The following CELF2 variants were observed in gnomAD, a reference collection of about 807,000 sequenced individuals.
CELF2 encodes the protein CUGBP Elav-like family member 2.
In CELF2, 8 loss-of-function variants were observed where a neutral mutation model predicts 62.6. That is an observed-to-expected ratio of 0.13 (90% CI 0.07 to 0.23). The LOEUF is 0.23. CELF2 is among the 10% of genes least tolerant of loss of function. The pLI is 1.00. For synonymous variants in CELF2, 258 were observed against 250.0 expected (o/e 1.03, Z -0.30); for missense variants, 333 against 671.0 (o/e 0.50, Z 5.56).
chr10:10,843,376 A>G (rs1393767152), intron 1 of CELF2, among the ~76,000 whole-genome samples: 3 of 152,014 alleles, frequency 2.0e-5, no homozygotes, highest in African/African-American at 7.2e-5. Flanking sequence ...TAATTTCATA[A>G]CCTAGAATCA....
the CELF2 span, among the ~76,000 whole-genome samples, chr10:10,745,132 A>C: frequency 3.1e-4 from 19 of 61,120 alleles, no homozygotes; most frequent in South Asian, 9.4e-4. Context: ...AAAAAACAAA[A>C]CAAAAAAAAA....
At chr10:10,624,854 GA>G in the CELF2 span, among the ~76,000 whole-genome samples, 1 of 152,170 alleles carries the variant, frequency 6.6e-6, no homozygotes, top group African/African-American at 2.4e-5. Flanking sequence ...GAGGGGACAA[GA>G]AACAGATTCA....
At chr10:10,643,309 A>G in the CELF2 span, among the ~76,000 whole-genome samples, 1 of 151,976 alleles carries the variant, frequency 6.6e-6, no homozygotes. Flanking sequence ...TAGTTGAATC[A>G]GGGAGACAAG....
the CELF2 span, among the ~76,000 whole-genome samples, chr10:10,615,283 A>G: frequency 6.6e-6 from 1 of 152,096 alleles, no homozygotes; most frequent in Non-Finnish European, 1.5e-5. Context: ...TCACTGCAAA[A>G]TCAATACTTG....
chr10:11,183,841 A>G (rs1316369624), intron 2 of CELF2, among the ~76,000 whole-genome samples: 1 of 152,224 alleles, frequency 6.6e-6, no homozygotes, highest in Non-Finnish European at 1.5e-5. Context: ...TTCACTAGAT[A>G]CACGTTTTGC....
At chr10:10,623,794 T>G in the CELF2 span, among the ~76,000 whole-genome samples, 1 of 152,102 alleles carries the variant, frequency 6.6e-6, no homozygotes, top group East Asian at 1.9e-4. Context: ...ATAATCTTAT[T>G]TAATCCTTAC....
At chr10:11,019,609 G>GTGGAGGAGGGGGA (rs2057976989) in intron 1 of CELF2, among the ~76,000 whole-genome samples, 1 of 152,158 alleles carries the variant, frequency 6.6e-6, no homozygotes, top group African/African-American at 2.4e-5. Context: ...AAGGAGGGGG[G>GTGGAGGAGGGGGA]TGGAGGAGGG....
chr10:11,183,244 T>C (rs1260595872), intron 2 of CELF2, among the ~76,000 whole-genome samples: 1 of 152,202 alleles, frequency 6.6e-6, no homozygotes, highest in Non-Finnish European at 1.5e-5. Flanking sequence ...TGGATCTGGC[T>C]TCCTTTGCTC....
At chr10:10,985,253 T>A (rs1037767642) in intron 2 of CELF2, among the ~76,000 whole-genome samples, 4 of 152,108 alleles carry the variant, frequency 2.6e-5, no homozygotes, top group African/African-American at 9.7e-5. Flanking sequence ...TTTGAAAACT[T>A]ATTCTTAATA....
At chr10:11,118,667 C>G (rs1177091601) in intron 1 of CELF2, among the ~76,000 whole-genome samples, 1 of 152,108 alleles carries the variant, frequency 6.6e-6, no homozygotes, top group African/African-American at 2.4e-5. Flanking sequence ...CTTGGATTTT[C>G]CTCACCAGTT....
At chr10:11,283,002 A>G (rs2089547539) in intron 8 of CELF2, among the ~76,000 whole-genome samples, 1 of 152,246 alleles carries the variant, frequency 6.6e-6, no homozygotes, top group Non-Finnish European at 1.5e-5. Flanking sequence ...TCCTGGGCCC[A>G]AGCGATCCTT....
At chr10:10,865,376 CAT>C (rs2060291029) in intron 1 of CELF2, among the ~76,000 whole-genome samples, 1 of 152,154 alleles carries the variant, frequency 6.6e-6, no homozygotes, top group Non-Finnish European at 1.5e-5. Context: ...ATTACATATT[CAT>C]CTTTTAGAAT....
At position 10,947,790 on chromosome 10, in the gene CELF2, G is replaced by A. The variant is rs568718248; in HGVS notation, c.89+27791G>A. On this transcript the variant is annotated intron_variant, in intron 2 of 13. Coordinates refer to the CELF2 transcript ENST00000636488. The surrounding 1 kb of genome is among the most constrained non-coding windows in gnomAD (Gnocchi z 4.1). ...ACCACAGAAGAAAAATATGGCATTT[G>A]AGGAGAGAGAAAATGCTTCTAGTAT... Among the ~76,000 whole-genome samples, 2 of 152,290 alleles carry A rather than the reference G, an allele frequency of 1.3e-5. No homozygotes were observed. The highest frequency in any genetic ancestry group is 4.1e-4 in the South Asian group (2 of 4,824).
the CELF2 span, among the ~76,000 whole-genome samples, chr10:10,701,599 T>G: frequency 6.6e-6 from 1 of 152,224 alleles, no homozygotes; most frequent in Admixed American, 6.5e-5. Flanking sequence ...ATGAACATAA[T>G]ATATGTAAGC....
At chr10:10,486,901 G>A in the CELF2 span, among the ~76,000 whole-genome samples, 1 of 152,144 alleles carries the variant, frequency 6.6e-6, no homozygotes, top group South Asian at 2.1e-4. Context: ...CAAAAAGGGA[G>A]CAGAGAGGAA....
chr10:10,500,214 T>G, the CELF2 span, among the ~76,000 whole-genome samples: 3 of 152,218 alleles, frequency 2.0e-5, no homozygotes, highest in African/African-American at 7.2e-5. Flanking sequence ...ATTTTTTAAG[T>G]TGAACTTTTT....
At chr10:10,673,034 A>T in the CELF2 span, among the ~76,000 whole-genome samples, 51 of 150,468 alleles carry the variant, frequency 3.4e-4, no homozygotes, top group African/African-American at 1.1e-3. Flanking sequence ...ATTCCTAAGC[A>T]TTTTTTTTTG....
chr10:11,294,695 G>A (rs2092946602), intron 9 of CELF2, among the ~76,000 whole-genome samples: 2 of 151,878 alleles, frequency 1.3e-5, no homozygotes, highest in Admixed American at 6.6e-5. Context: ...GGTGGATCAC[G>A]AGGTCAGGAG....
chr10:11,222,837 T>C (rs184166205), intron 3 of CELF2, among the ~76,000 whole-genome samples: 1 of 152,264 alleles, frequency 6.6e-6, no homozygotes, highest in East Asian at 1.9e-4. Flanking sequence ...AAATATAAAA[T>C]GAATGTAGAT....
Sources: gnomAD v4.1 joint callset for allele counts (sites outside exome capture counted in the v4.1 genomes callset) on GRCh38, gnomAD v4.1.1 for gene constraint, Gnocchi (gnomAD v3.1) non-coding constraint, MANE v1.5 for transcripts, NCBI Gene and HGNC (gene_info 2026-07-23, HGNC 2026-07-21) for gene names.